LRP1B: variants seen among roughly 807,000 people sequenced by gnomAD.
LRP1B encodes the protein low-density lipoprotein receptor-related protein 1B.
Under a neutral mutation model 556.6 loss-of-function variants are expected in LRP1B, and 217 were observed. The ratio of observed to expected loss-of-function variants is 0.39; its 90% CI spans 0.35 to 0.44. The LOEUF is 0.44. LRP1B is among the 20% of genes least tolerant of loss of function. The pLI is 1.00. For missense variants in LRP1B, 5,053 were observed against 5,620.8 expected, an observed-to-expected ratio of 0.90 and a Z score of 3.23; for synonymous variants, 2,047 against 1,865.8, an observed-to-expected ratio of 1.10 and a Z score of -2.50.
At chr2:141,096,580 G>A (rs180752153) in intron 7 of LRP1B, among the ~76,000 whole-genome samples, 9 of 141,442 alleles carry the variant, frequency 6.4e-5, no homozygotes, top group Admixed American at 7.7e-5. Flanking sequence ...GCAGTGAGCC[G>A]AGAACATGCC....
chr2:141,251,592 G>A (rs1016535717), intron 4 of LRP1B, among the ~76,000 whole-genome samples: 4 of 152,052 alleles, frequency 2.6e-5, no homozygotes, highest in Non-Finnish European at 4.4e-5. Flanking sequence ...TAAGAAAGAG[G>A]TAGAAATTGA....
At chr2:141,436,795 G>A (rs1573943655) in intron 3 of LRP1B, among the ~76,000 whole-genome samples, 1 of 152,122 alleles carries the variant, frequency 6.6e-6, no homozygotes, top group East Asian at 1.9e-4. Context: ...GGAGGTGGGA[G>A]GGAAGTAAAC....
At chr2:140,441,446 T>A (rs1686422050) in intron 66 of LRP1B, among the ~76,000 whole-genome samples, 1 of 152,204 alleles carries the variant, frequency 6.6e-6, no homozygotes, top group Non-Finnish European at 1.5e-5. Flanking sequence ...ATGGTAGTTT[T>A]ATGATACTGT....
intron 66 of LRP1B, among the ~76,000 whole-genome samples, chr2:140,422,372 G>A (rs1406988949): frequency 6.6e-6 from 1 of 152,166 alleles, no homozygotes; most frequent in Admixed American, 6.5e-5. Context: ...CAAATACAAT[G>A]TTATAGTACA....
At chr2:140,755,379 C>G (rs922733921) in intron 35 of LRP1B, among the ~76,000 whole-genome samples, 1 of 151,876 alleles carries the variant, frequency 6.6e-6, no homozygotes, top group African/African-American at 2.4e-5. Context: ...AAATACTGAC[C>G]AACATCTTTT....
intron 3 of LRP1B, among the ~76,000 whole-genome samples, chr2:141,347,132 G>A (rs1688280213): frequency 6.6e-6 from 1 of 151,942 alleles, no homozygotes; most frequent in Non-Finnish European, 1.5e-5. Context: ...AATAAGTTTT[G>A]TATAAGTTAC....
intron 1 of LRP1B, among the ~76,000 whole-genome samples, chr2:141,826,324 C>CATTATATG (rs2105737784): frequency 6.7e-6 from 1 of 149,308 alleles, no homozygotes; most frequent in South Asian, 2.1e-4. Context: ...TATGATAGAC[C>CATTATATG]ATTATATGAC....
At chr2:140,256,680 G>A (rs1681708957) in intron 86 of LRP1B, among the ~76,000 whole-genome samples, 1 of 151,104 alleles carries the variant, frequency 6.6e-6, no homozygotes, top group Non-Finnish European at 1.5e-5. Flanking sequence ...TGTTGGCTAG[G>A]ATGGTCTCAA....
chr2:140,719,192 G>A (rs1443479010), intron 35 of LRP1B, among the ~76,000 whole-genome samples: 2 of 152,024 alleles, frequency 1.3e-5, no homozygotes, highest in African/African-American at 2.4e-5. Context: ...AGTGAGTAAT[G>A]AGGTAATGTG....
intron 7 of LRP1B, among the ~76,000 whole-genome samples, chr2:141,185,363 G>A (rs1427453731): frequency 1.3e-5 from 2 of 151,982 alleles, no homozygotes; most frequent in Non-Finnish European, 2.9e-5. Flanking sequence ...TGTTTTTGAT[G>A]TTGGTTGGAA....
At chr2:140,553,480 T>C (rs949846187) in intron 43 of LRP1B, among the ~76,000 whole-genome samples, 2 of 151,646 alleles carry the variant, frequency 1.3e-5, no homozygotes, top group Non-Finnish European at 2.9e-5. Flanking sequence ...TTGAATATTC[T>C]ATTTCTTCTA....
At chr2:141,465,898 A>AT (rs957975642) in intron 3 of LRP1B, among the ~76,000 whole-genome samples, 24 of 140,846 alleles carry the variant, frequency 1.7e-4, no homozygotes, top group East Asian at 1.3e-3. Context: ...TACTATTTTT[A>AT]TTTTTTTTGA....
intron 7 of LRP1B, among the ~76,000 whole-genome samples, chr2:141,123,912 T>C (rs1044773414): frequency 6.6e-6 from 1 of 152,108 alleles, no homozygotes; most frequent in African/African-American, 2.4e-5. Context: ...AAACTTACTG[T>C]GGCACATCTC....
intron 6 of LRP1B, among the ~76,000 whole-genome samples, chr2:141,204,392 GAT>G (rs1046707066): frequency 6.6e-6 from 1 of 152,152 alleles, no homozygotes; most frequent in African/African-American, 2.4e-5. Context: ...ATTGGGGAAT[GAT>G]ATGAGAGAAA....
Position 140,923,019 on chromosome 2 carries a change from T to C in LRP1B, c.3265A>G (p.Asn1089Asp). The C allele has an allele frequency of 1.2e-6, 2 of 1,613,266 alleles. No homozygotes were observed. The highest frequency in any genetic ancestry group is 1.1e-5 in the South Asian group (1 of 91,058). The change falls in exon 21 of 91, where the codon AAT (asparagine) becomes GAT (aspartate). Residue 1089 changes from asparagine (N) to aspartate (D), a missense_variant. Transcript: ENST00000389484. Reference protein sequence around the residue: ...CEDGSDEKGCNGTIRLCDHKT... With the variant: ...CEDGSDEKGCDGTIRLCDHKT... The stretch of plus-strand genomic sequence containing the variant: ...TGGTCACACAATCGTATGGTACCAT[T>C]GCAACCTTTTTCATCACTACCATCT...
chr2:140,235,193 A>G (rs1474826904), intron 89 of LRP1B, among the ~76,000 whole-genome samples: 1 of 151,226 alleles, frequency 6.6e-6, no homozygotes, highest in African/African-American at 2.4e-5. Flanking sequence ...TAAAACTAGT[A>G]CATATTTATC....
chr2:141,186,512 G>A (rs149901612), intron 7 of LRP1B, among the ~76,000 whole-genome samples: 4 of 151,988 alleles, frequency 2.6e-5, no homozygotes, highest in Non-Finnish European at 4.4e-5. Context: ...TGGCAACCAG[G>A]CCTGTATTTA....
At chr2:141,787,218 C>T (rs1338293997) in intron 2 of LRP1B, among the ~76,000 whole-genome samples, 2 of 151,722 alleles carry the variant, frequency 1.3e-5, no homozygotes, top group South Asian at 4.2e-4. Context: ...TCTTACATGA[C>T]CTATAAATTC....
intron 2 of LRP1B, among the ~76,000 whole-genome samples, chr2:141,514,798 G>A (rs1463936334): frequency 6.6e-6 from 1 of 152,030 alleles, no homozygotes; most frequent in Non-Finnish European, 1.5e-5. Context: ...TTTATAATAA[G>A]GTGTTTCATA....
Sources: allele counts gnomAD v4.1 joint callset (sites outside exome capture counted in the v4.1 genomes callset), GRCh38; gene constraint gnomAD v4.1.1; transcripts MANE v1.5; gene names NCBI Gene and HGNC (gene_info 2026-07-23, HGNC 2026-07-21).